Variants in ETV1 observed in about 807,000 individuals in gnomAD.
ETV1 encodes ETS variant transcription factor 1.
ETV1 carries 27 observed loss-of-function variants against 62.3 expected under a neutral mutation model. The observed-to-expected ratio is 0.43, with a 90% CI of 0.32 to 0.60. ETV1 has a LOEUF of 0.60. ETV1 is among the 20% of genes least tolerant of loss of function. The pLI is 0.06. For synonymous variants in ETV1, 222 were observed against 199.6 expected (o/e 1.11, Z -0.94); for missense variants, 605 against 605.8 (o/e 1.00, Z 0.01).
chr7:13,930,189 T>G (rs1033561700), intron 9 of ETV1, among the ~76,000 whole-genome samples: 1 of 152,192 alleles, frequency 6.6e-6, no homozygotes, highest in African/African-American at 2.4e-5. Flanking sequence ...AGATTATCTT[T>G]CAAAATACCT....
intron 9 of ETV1, among the ~76,000 whole-genome samples, chr7:13,928,550 G>A (rs1226477663): frequency 1.3e-5 from 2 of 152,292 alleles, no homozygotes; most frequent in East Asian, 3.9e-4. Flanking sequence ...GCAGACGGAG[G>A]TTGCGGTGAG....
intron 5 of ETV1, among the ~76,000 whole-genome samples, chr7:13,980,029 T>C (rs913276882): frequency 6.6e-6 from 1 of 152,148 alleles, no homozygotes; most frequent in Admixed American, 6.6e-5. Flanking sequence ...ACGATAACAA[T>C]CTGTAAAGAG....
At position 13,903,509 on chromosome 7, in the gene ETV1, T is replaced by A. The variant is rs1005854887; in HGVS notation, c.1111-2670A>T. On this transcript the variant is annotated intron_variant, in intron 12 of 13. Transcript: ENST00000430479. The stretch of plus-strand genomic sequence containing the variant: ...CGGGCACAGTGGCTCACACCTGTAA[T>A]CCTAGCACTCTGGGAGGCTGAGGTG... 3.3e-5 allele frequency among the ~76,000 whole-genome samples: 5 copies of A among 152,134 alleles called. No individual in the cohort carries two copies. The East Asian group carries it at 9.7e-4, about 30-fold the overall frequency.
At chr7:13,910,227 CCTT>C (rs1216034522) in intron 10 of ETV1, among the ~76,000 whole-genome samples, 1 of 92,324 alleles carries the variant, frequency 1.1e-5, no homozygotes, top group Admixed American at 1.1e-4. Flanking sequence ...AAAAAGTTTC[CCTT>C]TTTTTTTTTT....
chr7:13,970,100 C>CAA (rs577603482), intron 6 of ETV1, among the ~76,000 whole-genome samples: 4 of 143,910 alleles, frequency 2.8e-5, no homozygotes, highest in South Asian at 2.2e-4. Flanking sequence ...ACTAAAAATA[C>CAA]AAAAAAAAAA....
At chr7:13,970,319 CACACACAA>C (rs1328159472) in intron 6 of ETV1, among the ~76,000 whole-genome samples, 20 of 113,488 alleles carry the variant, frequency 1.8e-4, no homozygotes, top group African/African-American at 2.9e-4. Flanking sequence ...CACACACACA[CACACACAA>C]AGCAGCAACT....
At chr7:13,955,904 A>G (rs773594779) in intron 6 of ETV1, among the ~76,000 whole-genome samples, 3 of 152,194 alleles carry the variant, frequency 2.0e-5, no homozygotes, top group Non-Finnish European at 2.9e-5. Flanking sequence ...ATCACAAATG[A>G]ACCAAGCCAA....
At chr7:13,911,557 C>T (rs1487063111) in intron 9 of ETV1, among the ~76,000 whole-genome samples, 1 of 152,092 alleles carries the variant, frequency 6.6e-6, no homozygotes, top group Admixed American at 6.6e-5. Context: ...ATAAACCTTG[C>T]TAAAAGTCAG....
At chr7:13,924,532 A>G (rs1269975251) in intron 9 of ETV1, among the ~76,000 whole-genome samples, 1 of 152,162 alleles carries the variant, frequency 6.6e-6, no homozygotes, top group Non-Finnish European at 1.5e-5. Flanking sequence ...TGTGGGCACT[A>G]TTTAATGTGA....
intron 6 of ETV1, among the ~76,000 whole-genome samples, chr7:13,944,713 C>A (rs945955202): frequency 1.4e-4 from 21 of 152,052 alleles, no homozygotes; most frequent in Non-Finnish European, 2.8e-4. Flanking sequence ...GATTCTCAGA[C>A]CTCGTTTGTT....
chr7:13,931,512 T>A lies in ETV1; in HGVS notation c.792A>T (p.Ala264=). The change falls in exon 9 of 14, where the codon GCA becomes GCT. Residue 264 remains alanine (A), a synonymous_variant. Coordinates refer to ENST00000430479, the MANE Select transcript of ETV1 (RefSeq NM_004956.5). ...AGAGCGCAGGCCTACCTGAGTCATA[T>A]GCAAAATCTCTGGGTTCCTGTTTAA... is the stretch of plus-strand genomic sequence containing the variant. ...LMIKQEPRDF[A]YDSEVPSCHS... The A allele has an allele frequency of 6.2e-7, 1 of 1,614,010 alleles. No homozygotes were observed. The highest frequency in any genetic ancestry group is 8.5e-7 in the Non-Finnish European group (1 of 1,179,874).
chr7:13,906,091 C>A (rs1180894483), intron 12 of ETV1: 1 of 185,966 alleles, frequency 5.4e-6, no homozygotes, highest in African/African-American at 2.3e-5. Flanking sequence ...GTTCCTCTCT[C>A]CTAAGGACCA....
chr7:13,939,826 C>G lies in ETV1; in HGVS notation c.236-580G>C, dbSNP rs138136545. On this transcript the variant is annotated intron_variant, in intron 6 of 13. Coordinates refer to ENST00000430479, the MANE Select transcript of ETV1 (RefSeq NM_004956.5). ...AAATAGAGATTAAGTATCTGCCTAT[C>G]TAATTACCAGAACTGTGAAGATGAA... 2.6e-3 allele frequency among the ~76,000 whole-genome samples: 389 copies of G among 152,260 alleles called. 4 individuals carry two copies. The highest frequency in any genetic ancestry group is 8.9e-3 in the African/African-American group (371 of 41,534).
rs1240725621 is a variant in ETV1, at chr7:13,911,279, C to T, written c.831G>A (p.Met277Ile). 2 of 1,612,774 alleles carry T rather than the reference C, an allele frequency of 1.2e-6. No individual in the cohort carries two copies. The highest frequency in any genetic ancestry group is 1.7e-6 in the Non-Finnish European group (2 of 1,179,164). Residue 277 changes from methionine to isoleucine, a missense_variant, in exon 10 of 14, where the codon ATG (methionine) becomes ATA (isoleucine). Around this residue, in one of 3 missense-constraint regions of ETV1, gnomAD observed 426 missense variants for 377.8 expected, o/e 1.13. Transcript: ENST00000430479. The part of the protein sequence containing the change: ...SEVPSCHSIY[M>I]RQEGFLAHPS... ...GATGAGCCAGGAAGCCTTCTTGCCT[C>T]ATATAAATGGAGTGGCAGCTAGGCA...
chr7:13,984,379 G>A (rs1782327821), intron 5 of ETV1, among the ~76,000 whole-genome samples: 2 of 151,908 alleles, frequency 1.3e-5, no homozygotes, highest in African/African-American at 4.8e-5. Flanking sequence ...ATAAACTAGG[G>A]TAATTTGGGG....
At chr7:13,968,226 T>G (rs1780506709) in intron 6 of ETV1, among the ~76,000 whole-genome samples, 1 of 152,074 alleles carries the variant, frequency 6.6e-6, no homozygotes, top group South Asian at 2.1e-4. Context: ...AGTCAATTTC[T>G]ACAATATATT....
At chr7:13,986,140 G>A in intron 5 of ETV1, 1 of 1,594,014 alleles carries the variant, frequency 6.3e-7, no homozygotes, top group Non-Finnish European at 8.5e-7. Context: ...TGTGAACAAG[G>A]TGGAAAGAAG....
intron 6 of ETV1, among the ~76,000 whole-genome samples, chr7:13,950,899 AACACACACACACAC>A (rs67539493): frequency 3.4e-4 from 47 of 138,892 alleles, no homozygotes; most frequent in South Asian, 2.2e-3. Flanking sequence ...CTTCTCTAGG[AACACACACACACAC>A]ACACACACAC....
At chr7:13,956,090 T>G (rs566360608) in intron 6 of ETV1, among the ~76,000 whole-genome samples, 1 of 152,324 alleles carries the variant, frequency 6.6e-6, no homozygotes, top group African/African-American at 2.4e-5. Context: ...AAATTACAAT[T>G]ACATTTGACT....
Sources: gnomAD v4.1 joint callset for allele counts (sites outside exome capture counted in the v4.1 genomes callset) on GRCh38, gnomAD v4.1.1 for gene constraint, gnomAD v4.1.1 regional missense constraint, MANE v1.5 for transcripts, NCBI Gene and HGNC (gene_info 2026-07-23, HGNC 2026-07-21) for gene names.